LRP1B: variants seen among roughly 807,000 people sequenced by gnomAD.
The protein encoded by LRP1B is low-density lipoprotein receptor-related protein 1B.
LRP1B carries 217 observed loss-of-function variants against 556.6 expected under a neutral mutation model. The ratio of observed to expected loss-of-function variants is 0.39; its 90% CI spans 0.35 to 0.44. The LOEUF is 0.44. LRP1B is among the 20% of genes least tolerant of loss of function. LRP1B has a pLI of 1.00. For missense variants in LRP1B, 5,053 were observed against 5,620.8 expected (o/e 0.90, Z 3.23); for synonymous variants, 2,047 against 1,865.8 (o/e 1.10, Z -2.50).
At chr2:141,274,482 G>A (rs1240694182) in intron 3 of LRP1B, among the ~76,000 whole-genome samples, 1 of 152,132 alleles carries the variant, frequency 6.6e-6, no homozygotes, top group African/African-American at 2.4e-5. Flanking sequence ...TTTCATTTAT[G>A]TGAATTATCC....
At chr2:141,569,907 C>T (rs138852206) in intron 2 of LRP1B, among the ~76,000 whole-genome samples, 2 of 151,078 alleles carry the variant, frequency 1.3e-5, no homozygotes, top group Non-Finnish European at 3.0e-5. Flanking sequence ...TCACATATGT[C>T]CTTACAGATG....
chr2:141,254,708 T>C, intron 3 of LRP1B, 67 bp from the exon 4 acceptor site: 1 of 1,286,922 alleles, frequency 7.8e-7, no homozygotes, highest in Non-Finnish European at 1.1e-6. Context: ...TATTTCTCAG[T>C]GTACAATCCT....
intron 3 of LRP1B, among the ~76,000 whole-genome samples, chr2:141,400,250 G>A (rs898546005): frequency 9.2e-5 from 14 of 152,096 alleles, no homozygotes; most frequent in South Asian, 2.1e-4. Flanking sequence ...AAGTGCTGGC[G>A]TTACAGGCCC....
At chr2:141,444,813 G>A (rs111938689) in intron 3 of LRP1B, among the ~76,000 whole-genome samples, 5 of 152,046 alleles carry the variant, frequency 3.3e-5, no homozygotes, top group Non-Finnish European at 7.4e-5. Context: ...TTGATGTGCT[G>A]CTGGATTCGG....
At chr2:140,487,565 C>T (rs2105366386) in intron 58 of LRP1B, 52 bp downstream of exon 58, 1 of 1,511,530 alleles carries the variant, frequency 6.6e-7, no homozygotes, top group Non-Finnish European at 9.1e-7. Flanking sequence ...CTATACAATT[C>T]AATCATACTG....
intron 33 of LRP1B, among the ~76,000 whole-genome samples, chr2:140,772,419 C>A (rs1056708298): frequency 6.6e-6 from 1 of 152,058 alleles, no homozygotes; most frequent in African/African-American, 2.4e-5. Context: ...AAGCAATTCT[C>A]CTGCCTCAGC....
At chr2:140,777,822 A>C (rs1160287895) in intron 32 of LRP1B, among the ~76,000 whole-genome samples, 1 of 152,126 alleles carries the variant, frequency 6.6e-6, no homozygotes, top group African/African-American at 2.4e-5. Flanking sequence ...AAATCTACCA[A>C]GAAGTATTTT....
chr2:140,863,648 C>T (rs1302340376), intron 27 of LRP1B, among the ~76,000 whole-genome samples: 2 of 152,116 alleles, frequency 1.3e-5, no homozygotes, highest in Admixed American at 1.3e-4. Context: ...AAAATGCAAC[C>T]CCTCCAAGTT....
At position 141,925,807 on chromosome 2, in the gene LRP1B, G is replaced by A. The variant is rs563200987; in HGVS notation, c.83-115406C>T. On this transcript the variant is annotated intron_variant, in intron 1 of 90. Coordinates refer to ENST00000389484, the MANE Select transcript of LRP1B (RefSeq NM_018557.3). ...TTAGGTCATTTGTAAGCTCTGCAAA[G>A]CCTAGCAGAAAGACTACAGACTTTG... Among the ~76,000 whole-genome samples, 27 of 152,276 alleles carry A rather than the reference G, an allele frequency of 1.8e-4. No individual in the cohort carries two copies. The South Asian group carries it at 5.6e-3, about 32-fold the overall frequency.
intron 2 of LRP1B, among the ~76,000 whole-genome samples, chr2:141,796,617 AG>A (rs1158270805): frequency 6.7e-6 from 1 of 149,758 alleles, no homozygotes; most frequent in East Asian, 1.9e-4. Context: ...ACATGTGAAA[AG>A]ATTCCAGTAG....
intron 2 of LRP1B, among the ~76,000 whole-genome samples, chr2:141,491,209 A>C (rs1377400286): frequency 6.6e-6 from 1 of 152,110 alleles, no homozygotes; most frequent in Non-Finnish European, 1.5e-5. Context: ...TAAGTGAATA[A>C]ACACATATTT....
At chr2:141,641,597 A>G (rs1689337845) in intron 2 of LRP1B, among the ~76,000 whole-genome samples, 1 of 152,166 alleles carries the variant, frequency 6.6e-6, no homozygotes, top group South Asian at 2.1e-4. Context: ...CTAGCAACCA[A>G]TAGCAGTTAA....
intron 3 of LRP1B, among the ~76,000 whole-genome samples, chr2:141,355,925 AT>A (rs747618204): frequency 8.6e-5 from 13 of 152,026 alleles, no homozygotes; most frequent in Non-Finnish European, 1.3e-4. Context: ...GACTGTTCAT[AT>A]TTTGAACACT....
At chr2:140,690,509 C>A (rs1686199320) in intron 41 of LRP1B, among the ~76,000 whole-genome samples, 1 of 152,082 alleles carries the variant, frequency 6.6e-6, no homozygotes, top group African/African-American at 2.4e-5. Flanking sequence ...GCCACAGAAG[C>A]TAAGAGAATA....
Position 140,297,891 on chromosome 2 carries a change from T to G in LRP1B, c.12884A>C (p.Asn4295Thr). ...AGCAGTCACAATGCAGGTTCCTCCA[T>G]TTTGACAAAAATCCTCACAGACTGT... ...GKTVCEDFCQ[N>T]GGTCIVTAGN... Residue 4295 changes from asparagine (N) to threonine (T), a missense_variant, in exon 84 of 91, where the codon AAT becomes ACT. Coordinates refer to ENST00000389484, the MANE Select transcript of LRP1B (RefSeq NM_018557.3). The G allele has an allele frequency of 2.5e-6, 4 of 1,614,036 alleles. No homozygotes were observed. Among genetic ancestry groups the G allele is most frequent in the Non-Finnish European group, 3.4e-6 (4 of 1,179,926 alleles).
chr2:141,141,979 C>T (rs1416704428), intron 7 of LRP1B, among the ~76,000 whole-genome samples: 1 of 150,888 alleles, frequency 6.6e-6, no homozygotes, highest in Admixed American at 6.6e-5. Flanking sequence ...ATATTGTGGG[C>T]CACAATACAA....
At chr2:140,715,856 G>A in intron 37 of LRP1B, 117 bp downstream of exon 37, 1 of 765,208 alleles carries the variant, frequency 1.3e-6, no homozygotes, top group Non-Finnish European at 2.0e-6. Flanking sequence ...TTTCTGCTTA[G>A]GTAAGATATT....
At chr2:141,332,090 A>T (rs1386747931) in intron 3 of LRP1B, among the ~76,000 whole-genome samples, 6 of 151,676 alleles carry the variant, frequency 4.0e-5, no homozygotes, top group Non-Finnish European at 8.8e-5. Context: ...GCAACTATGG[A>T]GCTATTCTGT....
intron 35 of LRP1B, among the ~76,000 whole-genome samples, chr2:140,750,197 C>T (rs1000450960): frequency 6.6e-6 from 1 of 152,018 alleles, no homozygotes; most frequent in African/African-American, 2.4e-5. Context: ...ACCCTAATGC[C>T]TCATCTAATA....
Sources: gnomAD v4.1 joint callset for allele counts (sites outside exome capture counted in the v4.1 genomes callset) on GRCh38, gnomAD v4.1.1 for gene constraint, MANE v1.5 for transcripts, NCBI Gene and HGNC (gene_info 2026-07-23, HGNC 2026-07-21) for gene names.